Variants in SRD5A1 observed in about 807,000 individuals in gnomAD.
SRD5A1 encodes the protein 3-oxo-5-alpha-steroid 4-dehydrogenase 1.
Under a neutral mutation model 28.2 loss-of-function variants are expected in SRD5A1, and 22 were observed. The ratio of observed to expected loss-of-function variants is 0.78; its 90% CI spans 0.56 to 1.12. The LOEUF (loss-of-function observed/expected upper bound fraction) is 1.12. Among genes scored for constraint, SRD5A1 ranks in the 50% most tolerant of loss-of-function variants. The pLI is 0.00. For synonymous variants in SRD5A1, 151 were observed against 135.0 expected (o/e 1.12, Z -0.82); for missense variants, 300 against 346.7 (o/e 0.87, Z 1.07).
intron 4 of SRD5A1, among the ~76,000 whole-genome samples, chr5:6,666,800 G>A (rs569358434): frequency 6.6e-6 from 1 of 151,700 alleles, no homozygotes; most frequent in Admixed American, 6.5e-5. Context: ...CAGCCTGGTG[G>A]GGGGGCGCGT....
At chr5:6,666,331 GT>G (rs771682819) in intron 4 of SRD5A1, among the ~76,000 whole-genome samples, 17 of 152,038 alleles carry the variant, frequency 1.1e-4, no homozygotes, top group Non-Finnish European at 2.1e-4. Flanking sequence ...TGTATTTTTA[GT>G]AGAGACGGGG....
At position 6,670,648 on chromosome 5, in the gene SRD5A1, G is replaced by A. The variant is rs1010993307; in HGVS notation, c.*2380G>A. The A allele has an allele frequency of 6.6e-6, 1 of 152,234 alleles. No homozygotes were observed. Among genetic ancestry groups the A allele is most frequent in the Non-Finnish European group, 1.5e-5 (1 of 68,044 alleles). The allele number at this position is 152,234 out of a possible 1,614,324, so 9.4% of individuals were successfully genotyped here. On this transcript the variant is annotated 3_prime_UTR_variant, in exon 5 of 5. Transcript: ENST00000274192. ...AAAAAACAGTCCTGGCCCAGGTGGA[G>A]TGACAGGTAAGAAACAAGTAAGTAG...
intron 1 of SRD5A1, among the ~76,000 whole-genome samples, chr5:6,644,627 T>C (rs1351527353): frequency 6.6e-6 from 1 of 152,140 alleles, no homozygotes; most frequent in East Asian, 1.9e-4. Context: ...CTCTGTCTTC[T>C]GCCATTAATT....
chr5:6,666,305 G>A (rs1221329048), intron 4 of SRD5A1, among the ~76,000 whole-genome samples: 2 of 152,148 alleles, frequency 1.3e-5, no homozygotes, highest in Non-Finnish European at 2.9e-5. Context: ...CCGCCACCAT[G>A]CCCGGCTAAT....
At chr5:6,636,517 G>T (rs891983077) in intron 1 of SRD5A1, among the ~76,000 whole-genome samples, 3 of 152,220 alleles carry the variant, frequency 2.0e-5, no homozygotes, top group African/African-American at 7.2e-5. Flanking sequence ...GTGAGGTTGG[G>T]CCCTGCCTTG....
At position 6,672,915 on chromosome 5, in the gene SRD5A1, G is replaced by T. The variant is rs1739403006; in HGVS notation, c.*4647G>T. 6.6e-6 allele frequency: 1 copy of T among 152,124 alleles called. No individual in the cohort carries two copies. Among genetic ancestry groups the T allele is most frequent in the South Asian group, 2.1e-4 (1 of 4,826 alleles). 9.4% of individuals were successfully genotyped at this position (152,124 alleles called of 1,614,324 possible). On this transcript the variant is annotated 3_prime_UTR_variant, in exon 5 of 5. Coordinates refer to ENST00000274192, the MANE Select transcript of SRD5A1 (RefSeq NM_001047.4). ...CTGGTCTAAAATACACATGTGGGAG[G>T]CGGGATTGTAGAAATATCTCAAATT...
chr5:6,666,385 T>C (rs1739179671), intron 4 of SRD5A1, among the ~76,000 whole-genome samples: 1 of 152,164 alleles, frequency 6.6e-6, no homozygotes, highest in African/African-American at 2.4e-5. Context: ...CCTGACCTCG[T>C]GATTTGCCCG....
At chr5:6,635,541 C>T (rs1490359827) in intron 1 of SRD5A1, among the ~76,000 whole-genome samples, 1 of 152,220 alleles carries the variant, frequency 6.6e-6, no homozygotes, top group African/African-American at 2.4e-5. Context: ...GTAGAATGGG[C>T]ATGGTGATGG....
rs934184808 is a variant in SRD5A1 at position 6,650,640 on chromosome 5, C to CTT, written c.294-1190_294-1189dup. Among the ~76,000 whole-genome samples the CTT allele has an allele frequency of 2.0e-3, 281 of 139,748 alleles. 5 individuals carry two copies. Among genetic ancestry groups the CTT allele is most frequent in the African/African-American group, 7.0e-3 (267 of 38,208 alleles). 91.7% of individuals were successfully genotyped at this position (139,748 alleles called of 152,430 possible). A position where few individuals can be genotyped will look rare whatever the true frequency, so the allele number is the denominator to read the frequency against. On this transcript the variant is annotated intron_variant, in intron 1 of 4. Transcript: ENST00000274192. ...TGTGGTACAACAGAACGTGATCTTT[C>CTT]TTTTTTTTTTTTTAATTATACTTTA...
intron 1 of SRD5A1, among the ~76,000 whole-genome samples, chr5:6,636,448 T>C (rs1371347443): frequency 2.6e-5 from 4 of 152,182 alleles, no homozygotes; most frequent in Non-Finnish European, 5.9e-5. Flanking sequence ...CAGTACCACC[T>C]TACACAACCT....
At chr5:6,647,680 C>G (rs1738547347) in intron 1 of SRD5A1, among the ~76,000 whole-genome samples, 1 of 152,120 alleles carries the variant, frequency 6.6e-6, no homozygotes, top group South Asian at 2.1e-4. Flanking sequence ...TGAGATGGGT[C>G]TCCTGAATAC....
intron 1 of SRD5A1, among the ~76,000 whole-genome samples, chr5:6,638,298 C>T (rs1264884810): frequency 2.0e-5 from 3 of 152,226 alleles, no homozygotes; most frequent in Non-Finnish European, 4.4e-5. Context: ...GGGCAACAAG[C>T]ACTAAACTCC....
intron 1 of SRD5A1, among the ~76,000 whole-genome samples, chr5:6,651,552 C>G (rs919200156): frequency 6.6e-6 from 1 of 151,998 alleles, no homozygotes; most frequent in Non-Finnish European, 1.5e-5. Flanking sequence ...CCCAGCTACT[C>G]GAGAGGCTGG....
chr5:6,635,511 G>A (rs767384024), intron 1 of SRD5A1, among the ~76,000 whole-genome samples: 3 of 152,168 alleles, frequency 2.0e-5, no homozygotes, highest in Non-Finnish European at 4.4e-5. Flanking sequence ...AAGCTGCCCC[G>A]CAGCAAGGTT....
At chr5:6,651,570 A>G (rs949791749) in intron 1 of SRD5A1, among the ~76,000 whole-genome samples, 2 of 152,154 alleles carry the variant, frequency 1.3e-5, no homozygotes, top group African/African-American at 4.8e-5. Context: ...TGGGACAGGA[A>G]GATCGCTTAA....
chr5:6,657,428 G>A lies in SRD5A1; in HGVS notation c.562+1249G>A, dbSNP rs183850157. On this transcript the variant is annotated intron_variant, in intron 3 of 4. Coordinates refer to ENST00000274192, the MANE Select transcript of SRD5A1 (RefSeq NM_001047.4). The stretch of plus-strand genomic sequence containing the variant: ...GGAGCCGCTTCCTCTGGCAGGTACA[G>A]TGGCTGGGAGAGCACAGTGTAAGCT... 8.1e-4 allele frequency among the ~76,000 whole-genome samples: 124 copies of A among 152,374 alleles called. 1 individual carries two copies. The highest frequency in any genetic ancestry group is 2.9e-3 in the African/African-American group (121 of 41,596).
intron 4 of SRD5A1, among the ~76,000 whole-genome samples, chr5:6,667,342 C>T (rs1038521982): frequency 6.6e-6 from 1 of 152,174 alleles, no homozygotes; most frequent in African/African-American, 2.4e-5. Flanking sequence ...CCAGTATGTT[C>T]GAATTCTCTA....
chr5:6,652,021 A>G lies in SRD5A1; in HGVS notation c.460+13A>G, dbSNP rs1482302689. On this transcript the variant is annotated intron_variant, in intron 2 of 4. Coordinates refer to ENST00000274192, the MANE Select transcript of SRD5A1 (RefSeq NM_001047.4). The stretch of plus-strand genomic sequence containing the variant: ...CGTTTTCTAATAGGTGAGTGTCCAC[A>G]GCAGTGAACTCCGCCTTGTTCACAT... The G allele has an allele frequency of 1.2e-6, 2 of 1,609,272 alleles. No homozygotes were observed. The highest frequency in any genetic ancestry group is 1.3e-5 in the African/African-American group (1 of 74,964).
chr5:6,662,424 C>T (rs1382319088), intron 3 of SRD5A1, among the ~76,000 whole-genome samples: 2 of 152,234 alleles, frequency 1.3e-5, no homozygotes, highest in Non-Finnish European at 2.9e-5. Context: ...GAAGATGTGA[C>T]GAATGAATGA....
Sources: gnomAD v4.1 joint callset for allele counts (sites outside exome capture counted in the v4.1 genomes callset) on GRCh38, gnomAD v4.1.1 for gene constraint, MANE v1.5 for transcripts, NCBI Gene and HGNC (gene_info 2026-07-23, HGNC 2026-07-21) for gene names.